HPCAL4: variants seen among roughly 807,000 people sequenced by gnomAD.
HPCAL4 encodes the protein hippocalcin like 4, also known as hippocalcin-like protein 4.
Under a neutral mutation model 18.2 loss-of-function variants are expected in HPCAL4, and 16 were observed. That is an observed-to-expected ratio of 0.88 (90% CI 0.59 to 1.33). The LOEUF is 1.33. Among genes scored for constraint, HPCAL4 ranks in the 40% most tolerant of loss-of-function variants. The probability of loss-of-function intolerance (pLI) is 0.00; values close to 1 mark genes in which losing one functional copy is unlikely to be tolerated. For missense variants in HPCAL4, 214 were observed against 256.6 expected (o/e 0.83, Z 1.14); for synonymous variants, 80 against 97.5 (o/e 0.82, Z 1.06).
rs1315241691 is a variant in HPCAL4 at position 39,684,627 on chromosome 1, A to C, written c.-8-16T>G. The C allele has an allele frequency of 6.4e-7, 1 of 1,556,996 alleles. No individual in the cohort carries two copies. Among genetic ancestry groups the C allele is most frequent in the Non-Finnish European group, 8.7e-7 (1 of 1,153,436 alleles). The stretch of plus-strand genomic sequence containing the variant: ...ATGGCGGGGCCTGTGGGACAGAGGG[A>C]TTCCTCCGACTGGGTCCAGGGAAAG... On this transcript the variant is annotated splice_polypyrimidine_tract_variant and intron_variant, in intron 1 of 3. Coordinates refer to ENST00000372844, the MANE Select transcript of HPCAL4 (RefSeq NM_016257.4).
chr1:39,684,206 C>T, intron 2 of HPCAL4, 54 bp from the exon 3 acceptor site: 2 of 1,431,472 alleles, frequency 1.4e-6, no homozygotes, highest in South Asian at 1.2e-5. Flanking sequence ...CACCCCGCCC[C>T]CATCTCAGGG....
At chr1:39,686,880 C>T (rs765093574) in intron 1 of HPCAL4, among the ~76,000 whole-genome samples, 1 of 151,752 alleles carries the variant, frequency 6.6e-6, no homozygotes, top group Non-Finnish European at 1.5e-5. Flanking sequence ...GGCTCCCACC[C>T]CAGGTAGCCT....
Position 39,682,383 on chromosome 1 carries a change from T to C in HPCAL4, c.*153A>G. Reference sequence around the variant, plus strand: ...AGGGTGAGGTGGTCCCTCAAAGATCTTGATGGAGGGGAGGAAGGGCTTGGG... The same window carrying C: ...AGGGTGAGGTGGTCCCTCAAAGATCCTGATGGAGGGGAGGAAGGGCTTGGG... On this transcript the variant is annotated 3_prime_UTR_variant, in exon 4 of 4. Transcript: ENST00000372844. The C allele has an allele frequency of 4.6e-6, 3 of 653,574 alleles. No homozygotes were observed. Among genetic ancestry groups the C allele is most frequent in the Admixed American group, 2.6e-5 (1 of 38,118 alleles). 40.5% of individuals were successfully genotyped at this position (653,574 alleles called of 1,614,324 possible). A position where few individuals can be genotyped will look rare whatever the true frequency, so the allele number is the denominator to read the frequency against.
intron 1 of HPCAL4, among the ~76,000 whole-genome samples, chr1:39,687,184 A>C (rs1316522835): frequency 6.6e-6 from 1 of 152,174 alleles, no homozygotes; most frequent in East Asian, 1.9e-4. Flanking sequence ...TGCCCTCAGG[A>C]AAAGCCAGGG....
intron 1 of HPCAL4, among the ~76,000 whole-genome samples, chr1:39,688,081 C>T (rs755050455): frequency 2.9e-4 from 44 of 152,156 alleles, no homozygotes; most frequent in African/African-American, 7.2e-4. Context: ...ATCCGTGCTA[C>T]CTGCCTGGGC....
intron 1 of HPCAL4, among the ~76,000 whole-genome samples, chr1:39,690,286 A>G (rs1305196854): frequency 5.3e-5 from 8 of 151,936 alleles, no homozygotes; most frequent in African/African-American, 1.9e-4. Flanking sequence ...ACCTCTCCCC[A>G]TTTTCATGAA....
Position 39,683,793 on chromosome 1 carries a change from C to T in HPCAL4, c.378+144G>A, listed in dbSNP as rs1446521978. 1.4e-5 allele frequency: 10 copies of T among 717,712 alleles called. No individual in the cohort carries two copies. In the Admixed American group the frequency reaches 1.6e-4, roughly 12 times the overall value. 44.5% of individuals were successfully genotyped at this position (717,712 alleles called of 1,614,324 possible). ...CGAGTGTCGGGTAAAGCATTTAGCCCGGGCCTGTAGCGGGGTGGTAGGAGG... is the reference window on the plus strand; with the variant it reads ...CGAGTGTCGGGTAAAGCATTTAGCCTGGGCCTGTAGCGGGGTGGTAGGAGG... On this transcript the variant is annotated intron_variant, in intron 3 of 3. Coordinates refer to ENST00000372844, the MANE Select transcript of HPCAL4 (RefSeq NM_016257.4).
At chr1:39,687,909 A>AAAAT (rs60510821) in intron 1 of HPCAL4, among the ~76,000 whole-genome samples, 42,608 of 143,632 alleles carry the variant, frequency 0.3, 6,396 homozygotes, top group East Asian at 0.47. Context: ...TCTCAAAAAA[A>AAAAT]AAATAAGTAA....
rs1646617945 is a variant in HPCAL4, at chr1:39,680,737, T to A, written c.*1799A>T. 6.6e-6 allele frequency: 1 copy of A among 152,198 alleles called. No homozygotes were observed. The highest frequency in any genetic ancestry group is 2.4e-5 in the African/African-American group (1 of 41,444). The allele number at this position is 152,198 out of a possible 1,614,324, so 9.4% of individuals were successfully genotyped here. On this transcript the variant is annotated 3_prime_UTR_variant, in exon 4 of 4. Coordinates refer to ENST00000372844, the MANE Select transcript of HPCAL4 (RefSeq NM_016257.4). ...CCAGTGGTTGCAAACCAGTGGTTGCTATCCCCAGCAAGAGGATAGCAACCC... is the reference window on the plus strand; with the variant it reads ...CCAGTGGTTGCAAACCAGTGGTTGCAATCCCCAGCAAGAGGATAGCAACCC...
chr1:39,684,138 G>C lies in HPCAL4; in HGVS notation c.177C>G (p.Gly59=). ...QQLYIKFFPY[G]DASKFAQHAF... is the part of the protein sequence containing the mutation. ...CGTGCTGCGCGAACTTGGAGGCGTC[G>C]CCGTAGGGGAAGAACTGAGGGGGGT... The change falls in exon 3 of 4, where the codon GGC becomes GGG. Residue 59 remains glycine, a synonymous_variant. Transcript: ENST00000372844. The C allele has an allele frequency of 1.2e-6, 2 of 1,613,440 alleles. No homozygotes were observed. Among genetic ancestry groups the C allele is most frequent in the Non-Finnish European group, 1.7e-6 (2 of 1,179,660 alleles).
intron 1 of HPCAL4, among the ~76,000 whole-genome samples, chr1:39,686,643 T>A (rs1228104717): frequency 1.3e-5 from 2 of 152,042 alleles, no homozygotes; most frequent in Non-Finnish European, 2.9e-5. Context: ...TTGGGAAGGA[T>A]CAAGAGTTAT....
intron 1 of HPCAL4, among the ~76,000 whole-genome samples, chr1:39,686,672 G>C (rs2248303): frequency 0.33 from 50,449 of 152,078 alleles, 8,870 homozygotes; most frequent in East Asian, 0.66. Context: ...GGGAATGTGA[G>C]CCCGTAAGTG....
At chr1:39,687,065 G>A (rs1242125350) in intron 1 of HPCAL4, among the ~76,000 whole-genome samples, 10 of 152,224 alleles carry the variant, frequency 6.6e-5, no homozygotes, top group Admixed American at 6.5e-4. Context: ...CCTCAGGCTA[G>A]TTACAGATCC....
intron 1 of HPCAL4, chr1:39,691,064 C>T (rs550388087): frequency 6.5e-6 from 1 of 152,780 alleles, no homozygotes; most frequent in Non-Finnish European, 1.5e-5. Flanking sequence ...GTTGTTCTCA[C>T]CTGAGCTGGG....
Position 39,684,111 on chromosome 1 carries a change from AGCGTGCTGC to A in HPCAL4, c.195_203del (p.Gln66_Ala68del), listed in dbSNP as rs772950565. The A allele has an allele frequency of 1.9e-6, 3 of 1,613,672 alleles. No individual in the cohort carries two copies. The African/African-American group carries it at 4.0e-5, about 22-fold the overall frequency. ...CGCCGTTCTTGTCGAAGGTGCGGAA[AGCGTGCTGC>A]GCGAACTTGGAGGCGTCGCCGTAGG... On this transcript the variant is annotated inframe_deletion, in exon 3 of 4. Coordinates refer to ENST00000372844, the MANE Select transcript of HPCAL4 (RefSeq NM_016257.4).
chr1:39,685,022 C>CCCTTGGCACTGTCTCCCAATTTCTT (rs1339465504), intron 1 of HPCAL4, among the ~76,000 whole-genome samples: 7 of 152,188 alleles, frequency 4.6e-5, no homozygotes, highest in African/African-American at 1.7e-4. Flanking sequence ...CTTGTGTGTC[C>CCCTTGGCACTGTCTCCCAATTTCTT]CCTTGGCACT....
chr1:39,685,609 G>T (rs1570475827), intron 1 of HPCAL4, among the ~76,000 whole-genome samples: 1 of 152,286 alleles, frequency 6.6e-6, no homozygotes, highest in Non-Finnish European at 1.5e-5. Flanking sequence ...GCCGGGCACG[G>T]TGGCTCACAC....
chr1:39,688,865 C>A (rs1327932297), intron 1 of HPCAL4, among the ~76,000 whole-genome samples: 1 of 152,166 alleles, frequency 6.6e-6, no homozygotes, highest in Non-Finnish European at 1.5e-5. Context: ...TCCTTATGAT[C>A]AGCCTTTTCC....
chr1:39,682,811 G>A (rs1216385051), intron 3 of HPCAL4, 78 bp from the exon 4 acceptor site: 113 of 1,134,602 alleles, frequency 1.0e-4, no homozygotes, highest in South Asian at 6.7e-4. Flanking sequence ...AAGGGATCTG[G>A]CAGGGAGAAC....
Sources: gnomAD v4.1 joint callset for allele counts (sites outside exome capture counted in the v4.1 genomes callset) on GRCh38, gnomAD v4.1.1 for gene constraint, MANE v1.5 for transcripts, NCBI Gene and HGNC (gene_info 2026-07-23, HGNC 2026-07-21) for gene names.